The following MGAT4C variants were observed in gnomAD, a reference collection of about 807,000 sequenced individuals.
The protein encoded by MGAT4C is MGAT4 family member C.
Under a neutral mutation model 40.1 loss-of-function variants are expected in MGAT4C, and 19 were observed. The observed-to-expected ratio is 0.47, with a 90% CI of 0.33 to 0.70. The LOEUF is 0.70. MGAT4C is among the 30% of genes least tolerant of loss of function. MGAT4C has a pLI of 0.02. For missense variants in MGAT4C, 491 were observed against 563.2 expected (o/e 0.87, Z 1.30); for synonymous variants, 181 against 187.1 (o/e 0.97, Z 0.27).
At chr12:86,394,127 G>C (rs1307184586) in intron 3 of MGAT4C, among the ~76,000 whole-genome samples, 1 of 152,126 alleles carries the variant, frequency 6.6e-6, no homozygotes, top group African/African-American at 2.4e-5. Flanking sequence ...GCATAATAAG[G>C]TAACCAAAAG....
At chr12:86,048,160 C>A (rs1201781739) in intron 2 of MGAT4C, among the ~76,000 whole-genome samples, 1 of 152,100 alleles carries the variant, frequency 6.6e-6, no homozygotes, top group South Asian at 2.1e-4. Flanking sequence ...TCCTTTGCAG[C>A]AACATGGATG....
chr12:86,241,563 G>A (rs895241358), intron 1 of MGAT4C, among the ~76,000 whole-genome samples: 4 of 152,084 alleles, frequency 2.6e-5, no homozygotes, highest in African/African-American at 9.7e-5. Context: ...AATTGTTTGG[G>A]TTCTGACATT....
intron 2 of MGAT4C, among the ~76,000 whole-genome samples, chr12:86,538,606 T>A (rs1959114462): frequency 1.3e-5 from 1 of 78,030 alleles, no homozygotes; most frequent in African/African-American, 3.4e-5. Context: ...AGTGTAATAC[T>A]TCTTTTTTTT....
At chr12:86,711,814 G>C (rs1339386107) in intron 2 of MGAT4C, among the ~76,000 whole-genome samples, 3 of 152,096 alleles carry the variant, frequency 2.0e-5, no homozygotes, top group Non-Finnish European at 4.4e-5. Flanking sequence ...GAATGACCCA[G>C]TGCAAAATGA....
chr12:86,187,253 T>C (rs1386737241), intron 1 of MGAT4C, among the ~76,000 whole-genome samples: 1 of 152,222 alleles, frequency 6.6e-6, no homozygotes, highest in East Asian at 1.9e-4. Flanking sequence ...TATTTCTCTA[T>C]TTTAATTCCA....
intron 1 of MGAT4C, among the ~76,000 whole-genome samples, chr12:86,774,207 C>G (rs934347039): frequency 7.9e-5 from 12 of 151,892 alleles, no homozygotes; most frequent in African/African-American, 2.9e-4. Context: ...GTCCACCTGG[C>G]CTCCTAAAGT....
chr12:86,667,656 A>G (rs530674464), intron 2 of MGAT4C, among the ~76,000 whole-genome samples: 2 of 152,370 alleles, frequency 1.3e-5, no homozygotes, highest in African/African-American at 4.8e-5. Flanking sequence ...ATATGTAAAC[A>G]AATGAGTATG....
At chr12:86,373,089 T>A (rs1169772811) in intron 3 of MGAT4C, among the ~76,000 whole-genome samples, 1 of 151,818 alleles carries the variant, frequency 6.6e-6, no homozygotes, top group Non-Finnish European at 1.5e-5. Context: ...TATTAACTCA[T>A]TTAATTTTTA....
chr12:86,577,360 G>T (rs1960604786), intron 2 of MGAT4C, among the ~76,000 whole-genome samples: 1 of 151,770 alleles, frequency 6.6e-6, no homozygotes, highest in African/African-American at 2.4e-5. Context: ...ACAGTGGTTA[G>T]AGTGGACATC....
intron 2 of MGAT4C, among the ~76,000 whole-genome samples, chr12:86,685,388 G>T (rs1950055939): frequency 6.6e-6 from 1 of 152,090 alleles, no homozygotes; most frequent in Non-Finnish European, 1.5e-5. Flanking sequence ...CTGTTCCATT[G>T]GTCTATATAT....
intron 3 of MGAT4C, among the ~76,000 whole-genome samples, chr12:86,416,700 GGAA>G (rs984190881): frequency 6.6e-6 from 1 of 152,072 alleles, no homozygotes; most frequent in Non-Finnish European, 1.5e-5. Context: ...AGTGTAGCCA[GGAA>G]GAAGTTGTGA....
intron 2 of MGAT4C, among the ~76,000 whole-genome samples, chr12:86,486,668 T>C (rs1030076050): frequency 1.3e-5 from 2 of 152,116 alleles, no homozygotes; most frequent in Non-Finnish European, 2.9e-5. Flanking sequence ...AGAAAGATTA[T>C]TGAGGCAAAC....
chr12:86,742,311 C>A (rs1438853292), intron 1 of MGAT4C, among the ~76,000 whole-genome samples: 1 of 151,450 alleles, frequency 6.6e-6, no homozygotes, highest in Non-Finnish European at 1.5e-5. Flanking sequence ...GTGCTTGCTG[C>A]ATGTTCAGTA....
chr12:86,521,603 A>AT (rs1023522793), intron 2 of MGAT4C, among the ~76,000 whole-genome samples: 3 of 151,502 alleles, frequency 2.0e-5, no homozygotes, highest in East Asian at 1.9e-4. Flanking sequence ...TGAATTTTTA[A>AT]TTTTTTTTCT....
intron 2 of MGAT4C, among the ~76,000 whole-genome samples, chr12:86,624,389 T>G (rs758068335): frequency 6.6e-6 from 1 of 152,098 alleles, no homozygotes; most frequent in African/African-American, 2.4e-5. Flanking sequence ...TAAGGCAGAA[T>G]TGTAAACTGC....
intron 2 of MGAT4C, among the ~76,000 whole-genome samples, chr12:86,041,303 G>T (rs1891815574): frequency 6.6e-6 from 1 of 151,736 alleles, no homozygotes; most frequent in Non-Finnish European, 1.5e-5. Context: ...TTTATGGTTT[G>T]TGTGTCCCCA....
intron 4 of MGAT4C, among the ~76,000 whole-genome samples, chr12:86,299,018 G>C (rs1953747477): frequency 6.6e-6 from 1 of 152,080 alleles, no homozygotes; most frequent in African/African-American, 2.4e-5. Context: ...CTCCCTGTAA[G>C]GGTTGGGAAT....
intron 2 of MGAT4C, among the ~76,000 whole-genome samples, chr12:86,709,731 G>C (rs1162470555): frequency 6.6e-6 from 1 of 152,054 alleles, no homozygotes. Flanking sequence ...TTTAAAATAA[G>C]TATTTCTAAC....
intron 3 of MGAT4C, among the ~76,000 whole-genome samples, chr12:86,412,132 A>C (rs531172261): frequency 6.6e-6 from 1 of 152,340 alleles, no homozygotes; most frequent in Non-Finnish European, 1.5e-5. Flanking sequence ...GCAGGGTTGT[A>C]GCCCTCATGG....
Sources: gnomAD v4.1 joint callset for allele counts (sites outside exome capture counted in the v4.1 genomes callset) on GRCh38, gnomAD v4.1.1 for gene constraint, MANE v1.5 for transcripts, NCBI Gene and HGNC (gene_info 2026-07-23, HGNC 2026-07-21) for gene names.